The following DMXL2 variants were observed in gnomAD, a reference collection of about 807,000 sequenced individuals.
DMXL2 encodes Dmx like 2.
Under a neutral mutation model 331.1 loss-of-function variants are expected in DMXL2, and 103 were observed. That is an observed-to-expected ratio of 0.31 (90% CI 0.27 to 0.37). DMXL2 has a LOEUF of 0.37. DMXL2 is among the 10% of genes least tolerant of loss of function. The pLI, the probability that DMXL2 is intolerant of heterozygous loss-of-function variation, is 1.00. For missense variants in DMXL2, 3,171 were observed against 3,642.9 expected (o/e 0.87, Z 3.33); for synonymous variants, 1,281 against 1,252.1 (o/e 1.02, Z -0.49).
intron 41 of DMXL2, chr15:51,453,228 T>C: frequency 4.8e-6 from 1 of 207,484 alleles, no homozygotes. Flanking sequence ...CCCCCAAACC[T>C]ACTGCAATAA....
intron 9 of DMXL2, 46 bp from the exon 10 acceptor site, chr15:51,538,498 A>G (rs1266563317): frequency 6.9e-7 from 1 of 1,451,324 alleles, no homozygotes; most frequent in Admixed American, 2.3e-5. Context: ...TTATTTCTTT[A>G]AAAACATGAC....
chr15:51,456,062 T>C lies in DMXL2; in HGVS notation c.8526+4A>G. The stretch of plus-strand genomic sequence containing the variant: ...GAATTCAGCAGTAGCCCCCAGAAAC[T>C]AACCTTGTTGCCTTGTGAATTAAAA... On this transcript the variant is annotated splice_donor_region_variant and intron_variant, in intron 39 of 43. Transcript: ENST00000560891. 1 of 1,613,944 alleles carries C rather than the reference T, an allele frequency of 6.2e-7. No homozygotes were observed. Among genetic ancestry groups the C allele is most frequent in the Non-Finnish European group, 8.5e-7 (1 of 1,179,884 alleles).
At chr15:51,552,204 A>G (rs1247048647) in intron 6 of DMXL2, among the ~76,000 whole-genome samples, 8 of 152,222 alleles carry the variant, frequency 5.3e-5, no homozygotes, top group African/African-American at 1.9e-4. Flanking sequence ...CTCACAGGCC[A>G]TGGTAAAGAT....
intron 24 of DMXL2, 81 bp from the exon 25 acceptor site, chr15:51,480,220 C>T: frequency 1.5e-6 from 2 of 1,327,110 alleles, no homozygotes; most frequent in Non-Finnish European, 1.0e-6. Context: ...TGGTGATAAA[C>T]ATTGTGTAAA....
intron 1 of DMXL2, among the ~76,000 whole-genome samples, chr15:51,601,227 C>T (rs2053203327): frequency 6.9e-6 from 1 of 145,516 alleles, no homozygotes; most frequent in African/African-American, 2.5e-5. Flanking sequence ...GGAGGCGGAG[C>T]TTGCAGTGAG....
intron 30 of DMXL2, 119 bp from the exon 31 acceptor site, chr15:51,465,770 G>T: frequency 4.1e-6 from 3 of 725,120 alleles, no homozygotes; most frequent in Non-Finnish European, 6.7e-6. Context: ...AGCTGTCATT[G>T]AAATTTACTA....
intron 43 of DMXL2, among the ~76,000 whole-genome samples, chr15:51,449,532 G>C (rs2038948757): frequency 6.6e-6 from 1 of 152,200 alleles, no homozygotes; most frequent in Admixed American, 6.5e-5. Context: ...GGTACAGACA[G>C]TCCCCTACTT....
chr15:51,600,303 A>C (rs2053139046), intron 1 of DMXL2, among the ~76,000 whole-genome samples: 3 of 152,122 alleles, frequency 2.0e-5, no homozygotes, highest in Non-Finnish European at 4.4e-5. Flanking sequence ...GCTAGGTAGA[A>C]TCTACCTGAC....
chr15:51,495,322 A>C (rs1357468427), intron 18 of DMXL2, among the ~76,000 whole-genome samples, 188 bp from the exon 19 acceptor site: 1 of 152,168 alleles, frequency 6.6e-6, no homozygotes, highest in Non-Finnish European at 1.5e-5. Flanking sequence ...GTGACTACTA[A>C]ACTCTTAAAA....
Position 51,571,148 on chromosome 15 carries a change from A to G in DMXL2, c.214-2590T>C, listed in dbSNP as rs149076335. 2.6e-3 allele frequency among the ~76,000 whole-genome samples: 399 copies of G among 152,352 alleles called. 18 individuals are homozygous for G. The East Asian group carries it at 0.062, about 24-fold the overall frequency. On this transcript the variant is annotated intron_variant, in intron 2 of 43. Coordinates refer to ENST00000560891, the MANE Select transcript of DMXL2 (RefSeq NM_001378457.1). ...AGGGGTTGCAATCATAGTCTCTGATAAAACAGACTTTAAATCAACAAAGAT... is the reference window on the plus strand; with the variant it reads ...AGGGGTTGCAATCATAGTCTCTGATGAAACAGACTTTAAATCAACAAAGAT...
At chr15:51,573,717 T>C (rs2050824867) in intron 2 of DMXL2, among the ~76,000 whole-genome samples, 1 of 151,850 alleles carries the variant, frequency 6.6e-6, no homozygotes, top group Admixed American at 6.6e-5. Flanking sequence ...AGGGGAGGGA[T>C]AGCATTAGGA....
chr15:51,572,985 G>A (rs1296740490), intron 2 of DMXL2, among the ~76,000 whole-genome samples: 1 of 152,170 alleles, frequency 6.6e-6, no homozygotes, highest in Non-Finnish European at 1.5e-5. Context: ...AGGAAGAGAG[G>A]AAGTCAAATT....
chr15:51,451,755 C>T, intron 41 of DMXL2, 58 bp from the exon 42 acceptor site: 1 of 1,422,242 alleles, frequency 7.0e-7, no homozygotes. Context: ...AAGTCGTCAT[C>T]AGGGACAACC....
At chr15:51,474,245 G>A (rs1332431667) in intron 28 of DMXL2, 99 bp downstream of exon 28, 21 of 1,164,368 alleles carry the variant, frequency 1.8e-5, no homozygotes, top group Middle Eastern at 2.8e-4. Flanking sequence ...TTTAAGCATC[G>A]CTTATTTTCA....
rs2051897522 is a variant in DMXL2, at chr15:51,587,120, A to T, written c.88-10939T>A. On this transcript the variant is annotated intron_variant, in intron 1 of 43. Transcript: ENST00000560891. ...GTAACAATTTGCTTCATAACAAATA[A>T]TGAAGTAAAATACTACTTTTTAAAA... Among the ~76,000 whole-genome samples, 4 of 152,360 alleles carry T rather than the reference A, an allele frequency of 2.6e-5. No homozygotes were observed. The South Asian group carries it at 8.3e-4, about 32-fold the overall frequency.
chr15:51,530,112 T>C (rs2047917186), intron 13 of DMXL2, among the ~76,000 whole-genome samples: 1 of 151,986 alleles, frequency 6.6e-6, no homozygotes, highest in Non-Finnish European at 1.5e-5. Context: ...ATACCTTCTA[T>C]ACCCTAGTAT....
chr15:51,589,500 T>C (rs1195751256), intron 1 of DMXL2, among the ~76,000 whole-genome samples: 1 of 152,180 alleles, frequency 6.6e-6, no homozygotes, highest in African/African-American at 2.4e-5. Context: ...AGATTAGGGA[T>C]ATACAGAGCA....
At chr15:51,556,761 G>A (rs575201836) in intron 6 of DMXL2, among the ~76,000 whole-genome samples, 2 of 151,636 alleles carry the variant, frequency 1.3e-5, no homozygotes, top group Admixed American at 1.3e-4. Flanking sequence ...GACAGAGCGA[G>A]ATTCTGTCTC....
Position 51,535,626 on chromosome 15 carries a change from T to A in DMXL2, c.2436+37A>T, listed in dbSNP as rs375808733. 2.0e-6 allele frequency: 3 copies of A among 1,534,254 alleles called. No individual in the cohort carries two copies. In the African/African-American group the frequency reaches 4.2e-5, roughly 22 times the overall value. On this transcript the variant is annotated intron_variant, in intron 13 of 43. Coordinates refer to ENST00000560891, the MANE Select transcript of DMXL2 (RefSeq NM_001378457.1). ...CAAAGTCAAAAGAGAATTCTTTATC[T>A]CCTTAGATAAATTAATAAAGATTAT...
Sources: allele counts gnomAD v4.1 joint callset (sites outside exome capture counted in the v4.1 genomes callset), GRCh38; gene constraint gnomAD v4.1.1; transcripts MANE v1.5; gene names NCBI Gene and HGNC (gene_info 2026-07-23, HGNC 2026-07-21).